Variants in GABBR2 observed in about 807,000 individuals in gnomAD.
GABBR2 encodes gamma-aminobutyric acid type B receptor subunit 2, also known as G-protein coupled receptor 51.
A neutral mutation model predicts 105.6 loss-of-function variants in GABBR2; 23 were observed. The observed-to-expected ratio is 0.22, with a 90% CI of 0.16 to 0.31. The LOEUF (loss-of-function observed/expected upper bound fraction) is 0.31, where lower values mean the gene tolerates loss of function less well. GABBR2 is among the 10% of genes least tolerant of loss of function. The probability of loss-of-function intolerance (pLI) is 1.00; values close to 1 mark genes in which losing one functional copy is unlikely to be tolerated. For synonymous variants in GABBR2, 478 were observed against 499.7 expected, an observed-to-expected ratio of 0.96 and a Z score of 0.58; for missense variants, 734 against 1,245.5, an observed-to-expected ratio of 0.59 and a Z score of 6.18.
chr9:98,679,971 T>C (rs1830522148), intron 1 of GABBR2, among the ~76,000 whole-genome samples: 1 of 152,384 alleles, frequency 6.6e-6, no homozygotes, highest in South Asian at 2.1e-4. Context: ...TTTGGGCCTT[T>C]GTTTCCTTAT....
chr9:98,318,917 G>GTGTGTT lies in GABBR2; in HGVS notation c.1894-7713_1894-7712insAACACA, dbSNP rs376858208. Among the ~76,000 whole-genome samples, 532 of 142,768 alleles carry GTGTGTT rather than the reference G, an allele frequency of 3.7e-3. 2 individuals are homozygous for GTGTGTT. Among genetic ancestry groups the GTGTGTT allele is most frequent in the African/African-American group, 0.012 (459 of 39,194 alleles). The allele number at this position is 142,768 out of a possible 152,430, so 93.7% of individuals were successfully genotyped here. A position where few individuals can be genotyped will look rare whatever the true frequency, so the allele number is the denominator to read the frequency against. ...TGTGTGTGTGTGTGTGTGTGTGTTG[G>GTGTGTT]GGGTGTGTGTGTGTGTGTGGTGTGT... On this transcript the variant is annotated intron_variant, in intron 13 of 18. Transcript: ENST00000259455.
intron 6 of GABBR2, among the ~76,000 whole-genome samples, chr9:98,463,505 A>C (rs534924659): frequency 4.6e-5 from 7 of 151,970 alleles, no homozygotes; most frequent in Non-Finnish European, 1.0e-4. Context: ...CTTATTATAA[A>C]GCTACAAAAA....
chr9:98,360,694 A>G (rs1419263684), intron 13 of GABBR2, among the ~76,000 whole-genome samples: 2 of 152,216 alleles, frequency 1.3e-5, no homozygotes, highest in East Asian at 3.8e-4. Flanking sequence ...GAAGGCAGGT[A>G]AGAGCCATGA....
At chr9:98,624,186 AG>A (rs1287254240) in intron 1 of GABBR2, among the ~76,000 whole-genome samples, 1 of 152,150 alleles carries the variant, frequency 6.6e-6, no homozygotes, top group Non-Finnish European at 1.5e-5. Context: ...CCAGGTCCTG[AG>A]GGGTGTGCAA....
At chr9:98,339,284 C>CAA (rs9299286) in intron 13 of GABBR2, among the ~76,000 whole-genome samples, 2 of 133,682 alleles carry the variant, frequency 1.5e-5, no homozygotes, top group East Asian at 2.3e-4. Context: ...AATTATATCT[C>CAA]AAAAAAAAAA....
In GABBR2 at chr9:98,306,678, A is replaced by C; in HGVS notation, c.2005-333T>G. 1 of 372,718 alleles carries C rather than the reference A, an allele frequency of 2.7e-6. No individual in the cohort carries two copies. The highest frequency in any genetic ancestry group is 5.0e-6 in the Non-Finnish European group (1 of 198,756). The allele number at this position is 372,718 out of a possible 1,614,324, so 23.1% of individuals were successfully genotyped here. On this transcript the variant is annotated intron_variant, in intron 14 of 18. Transcript: ENST00000259455. This position sits in a 1 kb window ranked among gnomAD's most constrained non-coding sequence, Gnocchi z 5.4. ...AGCTTTCTCCCTCACTCTCTAGGGA[A>C]TACTAATATCCAGAAGGGTGAAGAG...
chr9:98,583,955 T>C (rs1312418330), intron 1 of GABBR2, among the ~76,000 whole-genome samples: 1 of 152,244 alleles, frequency 6.6e-6, no homozygotes, highest in Admixed American at 6.5e-5. Context: ...ATTTAAGTTG[T>C]CTGTCTGACA....
intron 1 of GABBR2, among the ~76,000 whole-genome samples, chr9:98,654,228 G>A (rs1474743762): frequency 6.6e-6 from 1 of 152,158 alleles, no homozygotes; most frequent in Non-Finnish European, 1.5e-5. Context: ...ACACCACGGT[G>A]CGCTCTATGG....
chr9:98,446,339 T>C (rs1826129113), intron 7 of GABBR2, among the ~76,000 whole-genome samples: 1 of 152,176 alleles, frequency 6.6e-6, no homozygotes, highest in Admixed American at 6.5e-5. Context: ...CAGCCACACT[T>C]TGAAAGAAGA....
chr9:98,492,574 T>C (rs1346487690), intron 4 of GABBR2, among the ~76,000 whole-genome samples: 1 of 152,144 alleles, frequency 6.6e-6, no homozygotes, highest in South Asian at 2.1e-4. Flanking sequence ...ACATCCTTTT[T>C]CTATTCCTGG....
At chr9:98,572,816 G>A (rs1828851248) in intron 2 of GABBR2, among the ~76,000 whole-genome samples, 1 of 152,078 alleles carries the variant, frequency 6.6e-6, no homozygotes, top group Non-Finnish European at 1.5e-5. Context: ...TGCCTCCCAG[G>A]TCCTCAGAGA....
intron 6 of GABBR2, among the ~76,000 whole-genome samples, chr9:98,460,597 A>G (rs751921956): frequency 6.6e-6 from 1 of 152,192 alleles, no homozygotes; most frequent in Non-Finnish European, 1.5e-5. Flanking sequence ...TTGTATTCAG[A>G]CTGAAACATA....
chr9:98,697,361 G>A (rs562682653), intron 1 of GABBR2, among the ~76,000 whole-genome samples: 3 of 152,220 alleles, frequency 2.0e-5, no homozygotes, highest in South Asian at 2.1e-4. Context: ...CGTGGTGGCG[G>A]GCGCCTGTAG....
chr9:98,454,761 C>T lies in GABBR2; in HGVS notation c.1000-544G>A, dbSNP rs546740809. ...GCTGACAGTGTGCTGCTCAGCCCAC[C>T]CCTCCCCTTCCCTTCCCACCCCTCT... is the stretch of plus-strand genomic sequence containing the variant. On this transcript the variant is annotated intron_variant, in intron 6 of 18. Transcript: ENST00000259455. The surrounding 1 kb of genome is among the most constrained non-coding windows in gnomAD (Gnocchi z 4.6). 3.4e-4 allele frequency among the ~76,000 whole-genome samples: 52 copies of T among 152,104 alleles called. No individual in the cohort carries two copies. The highest frequency in any genetic ancestry group is 1.2e-3 in the African/African-American group (48 of 41,482).
At chr9:98,640,637 G>C (rs1256159543) in intron 1 of GABBR2, among the ~76,000 whole-genome samples, 1 of 152,150 alleles carries the variant, frequency 6.6e-6, no homozygotes. Context: ...ATCATTCTAG[G>C]CTTTGGGTAA....
intron 13 of GABBR2, among the ~76,000 whole-genome samples, chr9:98,349,349 GTTTTTTTTTTTTTT>G (rs1182072320): frequency 1.2e-4 from 3 of 24,218 alleles, no homozygotes; most frequent in Admixed American, 1.5e-3. Context: ...TTGAAGTTTT[GTTTTTTTTTTTTTT>G]TTTTTTTTTT....
chr9:98,673,448 C>T (rs1308488748), intron 1 of GABBR2, among the ~76,000 whole-genome samples: 5 of 151,906 alleles, frequency 3.3e-5, no homozygotes, highest in African/African-American at 1.2e-4. Context: ...TTAAAATCAC[C>T]GTATCTTAGA....
chr9:98,477,992 C>T (rs951777507), intron 5 of GABBR2, among the ~76,000 whole-genome samples: 1 of 152,164 alleles, frequency 6.6e-6, no homozygotes, highest in African/African-American at 2.4e-5. Flanking sequence ...GAGCTAAAAC[C>T]AGAACCCACA....
chr9:98,381,496 C>A (rs902964652), intron 11 of GABBR2, among the ~76,000 whole-genome samples: 3 of 152,216 alleles, frequency 2.0e-5, no homozygotes, highest in African/African-American at 4.8e-5. Context: ...ACCCATCAGG[C>A]ACTGGTACTT....
Sources: allele counts gnomAD v4.1 joint callset (sites outside exome capture counted in the v4.1 genomes callset), GRCh38; gene constraint gnomAD v4.1.1; non-coding constraint Gnocchi (gnomAD v3.1); transcripts MANE v1.5; gene names NCBI Gene and HGNC (gene_info 2026-07-23, HGNC 2026-07-21).